Variants in CORIN observed in about 807,000 individuals in gnomAD.
CORIN encodes corin, serine peptidase.
A neutral mutation model predicts 125.3 loss-of-function variants in CORIN; 117 were observed. That is an observed-to-expected ratio of 0.93 (90% CI 0.80 to 1.09). CORIN has a LOEUF of 1.09. Ranked by LOEUF, CORIN falls within the 50% of genes least tolerant of loss-of-function variation. The probability of loss-of-function intolerance (pLI) is 0.00; values close to 1 mark genes in which losing one functional copy is unlikely to be tolerated. For synonymous variants in CORIN, 450 were observed against 466.4 expected (o/e 0.96, Z 0.45); for missense variants, 1,253 against 1,306.7 (o/e 0.96, Z 0.63).
At chr4:47,643,066 G>GA (rs1412370063) in intron 15 of CORIN, 80 bp downstream of exon 15, 4 of 1,607,140 alleles carry the variant, frequency 2.5e-6, no homozygotes, top group Non-Finnish European at 3.4e-6. Context: ...TAAAATCCAG[G>GA]AAGTAATTTA....
chr4:47,708,648 T>C (rs937165697), intron 5 of CORIN, among the ~76,000 whole-genome samples: 1 of 152,170 alleles, frequency 6.6e-6, no homozygotes, highest in African/African-American at 2.4e-5. Context: ...AACAACCACC[T>C]GCAAATGGCT....
intron 5 of CORIN, among the ~76,000 whole-genome samples, chr4:47,734,268 C>T (rs1728020795): frequency 1.3e-5 from 2 of 152,296 alleles, no homozygotes; most frequent in South Asian, 2.1e-4. Flanking sequence ...GAGGGAATTA[C>T]TATTTCCTTG....
rs188423967 is a variant in CORIN, at chr4:47,639,679, T to A, written c.2198+2241A>T. On this transcript the variant is annotated intron_variant, in intron 16 of 21. Transcript: ENST00000273857. The stretch of plus-strand genomic sequence containing the variant: ...CCAGACAAACCCTTCTAGCAAGGGC[T>A]TTGATCTGGAGGAAATGACTCAAAG... Among the ~76,000 whole-genome samples the A allele has an allele frequency of 4.6e-3, 698 of 152,336 alleles. 1 individual carries two copies. The highest frequency in any genetic ancestry group is 6.8e-3 in the Non-Finnish European group (466 of 68,038).
intron 5 of CORIN, among the ~76,000 whole-genome samples, chr4:47,717,545 G>A (rs1055980507): frequency 3.9e-5 from 6 of 152,038 alleles, no homozygotes; most frequent in African/African-American, 9.7e-5. Flanking sequence ...CAGTGACTTC[G>A]CCCCTGAAAT....
At chr4:47,776,361 C>A (rs1357881669) in intron 3 of CORIN, among the ~76,000 whole-genome samples, 1 of 150,982 alleles carries the variant, frequency 6.6e-6, no homozygotes, top group Non-Finnish European at 1.5e-5. Context: ...TCTCGGCTCA[C>A]TTGAACTTCA....
chr4:47,767,260 C>T (rs1004965082), intron 3 of CORIN, among the ~76,000 whole-genome samples: 1 of 151,632 alleles, frequency 6.6e-6, no homozygotes, highest in Admixed American at 6.6e-5. Context: ...AAAACTGGAA[C>T]TAAAAAAGGG....
intron 10 of CORIN, among the ~76,000 whole-genome samples, chr4:47,668,103 T>C (rs553553954): frequency 9.3e-4 from 142 of 152,340 alleles, no homozygotes; most frequent in Non-Finnish European, 1.6e-3. Context: ...GATGGCAACC[T>C]CATCTCAGAT....
At chr4:47,618,318 G>T (rs1722147752) in intron 19 of CORIN, among the ~76,000 whole-genome samples, 1 of 132,586 alleles carries the variant, frequency 7.5e-6, no homozygotes, top group African/African-American at 3.0e-5. Context: ...TGGGCAACAG[G>T]AGTGAAACTC....
chr4:47,752,080 C>A (rs1282961818), intron 4 of CORIN, among the ~76,000 whole-genome samples: 1 of 152,116 alleles, frequency 6.6e-6, no homozygotes, highest in Non-Finnish European at 1.5e-5. Context: ...TCTCCCTCAC[C>A]TCCCGGACTT....
chr4:47,736,113 C>G (rs2109823739), intron 5 of CORIN, among the ~76,000 whole-genome samples: 1 of 152,150 alleles, frequency 6.6e-6, no homozygotes, highest in Non-Finnish European at 1.5e-5. Flanking sequence ...CAAATTACCA[C>G]TAATGAAGAC....
At chr4:47,658,368 A>G (rs1185628819) in intron 12 of CORIN, among the ~76,000 whole-genome samples, 4 of 152,184 alleles carry the variant, frequency 2.6e-5, no homozygotes, top group Admixed American at 2.6e-4. Flanking sequence ...CCCCATGGCT[A>G]CTTTCACAGG....
At chr4:47,616,791 AG>A (rs1259018944) in intron 19 of CORIN, among the ~76,000 whole-genome samples, 4 of 152,324 alleles carry the variant, frequency 2.6e-5, no homozygotes, top group South Asian at 2.1e-4. Context: ...ACAGATGAAG[AG>A]GGATATGAAT....
intron 5 of CORIN, among the ~76,000 whole-genome samples, chr4:47,735,891 A>C (rs1406231079): frequency 1.4e-5 from 2 of 145,188 alleles, no homozygotes; most frequent in Non-Finnish European, 3.0e-5. Context: ...GCGTCACTGC[A>C]CTCCAGCCTG....
At chr4:47,675,765 G>T (rs1724987731) in intron 9 of CORIN, among the ~76,000 whole-genome samples, 1 of 152,102 alleles carries the variant, frequency 6.6e-6, no homozygotes, top group African/African-American at 2.4e-5. Context: ...AGAGATGGGG[G>T]TCTTGCTATA....
intron 12 of CORIN, among the ~76,000 whole-genome samples, chr4:47,659,444 C>A (rs917541217): frequency 3.3e-5 from 5 of 152,200 alleles, no homozygotes; most frequent in African/African-American, 1.2e-4. Context: ...CATGGTTCTG[C>A]AGCCTTTACA....
chr4:47,812,520 T>C (rs1732105930), intron 1 of CORIN, among the ~76,000 whole-genome samples: 2 of 151,856 alleles, frequency 1.3e-5, no homozygotes, highest in African/African-American at 4.8e-5. Flanking sequence ...AATAAATAAA[T>C]AAATACTATA....
At chr4:47,749,528 C>T (rs1728810329) in intron 4 of CORIN, among the ~76,000 whole-genome samples, 1 of 152,190 alleles carries the variant, frequency 6.6e-6, no homozygotes, top group South Asian at 2.1e-4. Flanking sequence ...AAGACCCCAA[C>T]CCTGCCAACA....
At chr4:47,661,470 C>T (rs1428051241) in intron 12 of CORIN, 2 of 443,386 alleles carry the variant, frequency 4.5e-6, no homozygotes, top group Non-Finnish European at 8.1e-6. Context: ...TATGTACCCA[C>T]AAAAATAAAA....
intron 3 of CORIN, among the ~76,000 whole-genome samples, chr4:47,767,731 A>G (rs1020453540): frequency 9.9e-5 from 15 of 152,226 alleles, no homozygotes; most frequent in Non-Finnish European, 2.1e-4. Context: ...AAGAAAACTC[A>G]GAAGAGAAAA....
Sources: gnomAD v4.1 joint callset for allele counts (sites outside exome capture counted in the v4.1 genomes callset) on GRCh38, gnomAD v4.1.1 for gene constraint, MANE v1.5 for transcripts, NCBI Gene and HGNC (gene_info 2026-07-23, HGNC 2026-07-21) for gene names.